The following WWP2 variants were observed in gnomAD, a reference collection of about 807,000 sequenced individuals.
WWP2 encodes NEDD4-like E3 ubiquitin-protein ligase WWP2.
A neutral mutation model predicts 121.0 loss-of-function variants in WWP2; 57 were observed. The ratio of observed to expected loss-of-function variants is 0.47; its 90% CI spans 0.38 to 0.59. WWP2 has a LOEUF of 0.59. WWP2 is among the 20% of genes least tolerant of loss of function. The pLI is 0.00. For missense variants in WWP2, 962 were observed against 1,158.9 expected, an observed-to-expected ratio of 0.83 and a Z score of 2.47; for synonymous variants, 449 against 441.3, an observed-to-expected ratio of 1.02 and a Z score of -0.22.
chr16:69,894,281 C>G (rs2058075886), intron 8 of WWP2, among the ~76,000 whole-genome samples: 1 of 149,546 alleles, frequency 6.7e-6, no homozygotes, highest in South Asian at 2.1e-4. Flanking sequence ...GGGTCTCACT[C>G]TGTTGCCCAT....
intron 2 of WWP2, among the ~76,000 whole-genome samples, chr16:69,787,784 C>G (rs2055824427): frequency 6.6e-6 from 1 of 152,178 alleles, no homozygotes; most frequent in African/African-American, 2.4e-5. Flanking sequence ...GTTACCTTCA[C>G]TTGAATATTT....
At chr16:69,927,578 C>A (rs2058657308) in intron 11 of WWP2, among the ~76,000 whole-genome samples, 1 of 152,248 alleles carries the variant, frequency 6.6e-6, no homozygotes. Context: ...AGCAGCAGTG[C>A]CAGAAATGAC....
At position 69,935,005 on chromosome 16, in the gene WWP2, T is replaced by G. The variant is rs1368650445; in HGVS notation, c.1843-848T>G. 6.6e-6 allele frequency among the ~76,000 whole-genome samples: 1 copy of G among 151,964 alleles called. No individual in the cohort carries two copies. The highest frequency in any genetic ancestry group is 1.5e-5 in the Non-Finnish European group (1 of 67,998). ...CTGGGGAGGGGCGTCCCAGCGTCTGTATTTAACTGGAAAGAGGGACACAAT... is the reference window on the plus strand; with the variant it reads ...CTGGGGAGGGGCGTCCCAGCGTCTGGATTTAACTGGAAAGAGGGACACAAT... On this transcript the variant is annotated intron_variant, in intron 17 of 23. Coordinates refer to ENST00000359154, the MANE Select transcript of WWP2 (RefSeq NM_001270454.2). The surrounding 1 kb of genome is among the most constrained non-coding windows in gnomAD (Gnocchi z 5.2).
At chr16:69,899,188 A>G (rs1266627336) in intron 8 of WWP2, among the ~76,000 whole-genome samples, 1 of 152,162 alleles carries the variant, frequency 6.6e-6, no homozygotes, top group African/African-American at 2.4e-5. Context: ...TGTTTTGTCT[A>G]AAATTCTTCC....
intron 1 of WWP2, among the ~76,000 whole-genome samples, chr16:69,771,521 A>G (rs1403792269): frequency 1.3e-5 from 2 of 152,176 alleles, no homozygotes; most frequent in Non-Finnish European, 2.9e-5. Context: ...TGCTGGGATT[A>G]TAGGCATGAG....
intron 9 of WWP2, among the ~76,000 whole-genome samples, chr16:69,912,382 C>G (rs1416816657): frequency 1.4e-5 from 2 of 144,580 alleles, no homozygotes; most frequent in Non-Finnish European, 3.2e-5. Flanking sequence ...CACACACACA[C>G]ACACACACAC....
At chr16:69,936,185 G>A in intron 18 of WWP2, 127 bp from the exon 19 acceptor site, 1 of 1,480,734 alleles carries the variant, frequency 6.8e-7, no homozygotes, top group Non-Finnish European at 9.2e-7. Flanking sequence ...TCAAGGAGCT[G>A]TCCCCTGTCA....
intron 1 of WWP2, among the ~76,000 whole-genome samples, chr16:69,763,260 A>T (rs1465777492): frequency 1.3e-5 from 2 of 152,130 alleles, no homozygotes; most frequent in Non-Finnish European, 2.9e-5. Flanking sequence ...CCCTTAGCTT[A>T]TCTTGTGACT....
intron 4 of WWP2, among the ~76,000 whole-genome samples, chr16:69,807,619 CAAAAA>C (rs530408058): frequency 4.3e-5 from 2 of 46,900 alleles, no homozygotes; most frequent in African/African-American, 1.5e-4. Flanking sequence ...ACCCTTTCTC[CAAAAA>C]AAAAAAAAAA....
chr16:69,903,790 G>A (rs1204175749), intron 8 of WWP2, among the ~76,000 whole-genome samples: 72 of 148,252 alleles, frequency 4.9e-4, no homozygotes, highest in African/African-American at 1.6e-3. Context: ...AAGAAAGAAA[G>A]AAAAATGTGT....
At chr16:69,938,640 T>C (rs1430721928) in intron 21 of WWP2, among the ~76,000 whole-genome samples, 1 of 152,092 alleles carries the variant, frequency 6.6e-6, no homozygotes, top group Non-Finnish European at 1.5e-5. Context: ...AGCAGTGGCT[T>C]CCAGTACATT....
intron 4 of WWP2, among the ~76,000 whole-genome samples, chr16:69,813,862 A>G (rs1169332732): frequency 2.0e-5 from 3 of 152,156 alleles, no homozygotes; most frequent in Non-Finnish European, 4.4e-5. Context: ...TGTCCCCATC[A>G]TATATTTTTG....
intron 6 of WWP2, among the ~76,000 whole-genome samples, chr16:69,871,310 G>C (rs3790079): frequency 0.078 from 11,875 of 152,232 alleles, 601 homozygotes; most frequent in South Asian, 0.22. Flanking sequence ...ACAACAAAAA[G>C]TGTCAACATA....
At chr16:69,921,370 C>T (rs1231233701) in intron 10 of WWP2, among the ~76,000 whole-genome samples, 2 of 152,148 alleles carry the variant, frequency 1.3e-5, no homozygotes, top group Admixed American at 6.5e-5. Flanking sequence ...AGCGGCCTCC[C>T]CTCCTCCTCT....
At chr16:69,838,670 G>T in intron 4 of WWP2, 1 of 960,308 alleles carries the variant, frequency 1.0e-6, no homozygotes, top group South Asian at 4.8e-5. Flanking sequence ...GGGTTGAAAG[G>T]CCTCAGTTCC....
At chr16:69,892,055 T>A (rs1300253409) in intron 8 of WWP2, among the ~76,000 whole-genome samples, 1 of 152,340 alleles carries the variant, frequency 6.6e-6, no homozygotes, top group East Asian at 1.9e-4. Flanking sequence ...GGGCAGGGAT[T>A]GTGTCTTTCT....
chr16:69,852,489 G>A, intron 6 of WWP2, among the ~76,000 whole-genome samples: 1 of 152,120 alleles, frequency 6.6e-6, no homozygotes, highest in East Asian at 1.9e-4. Flanking sequence ...GGCCAGGTTG[G>A]TCTCGAACTC....
rs368110457 is a variant in WWP2 at position 69,934,974 on chromosome 16, C to G, written c.1842+845C>G. On this transcript the variant is annotated intron_variant, in intron 17 of 23. Transcript: ENST00000359154. Reference sequence around the variant, plus strand: ...GTAGGGACATCTGTCAGAAAGTGAGCCAGTTCTGGGGAGGGGCGTCCCAGC... The same window carrying G: ...GTAGGGACATCTGTCAGAAAGTGAGGCAGTTCTGGGGAGGGGCGTCCCAGC... Among the ~76,000 whole-genome samples, 21 of 152,186 alleles carry G rather than the reference C, an allele frequency of 1.4e-4. 1 individual carries two copies. In the East Asian group the frequency reaches 4.1e-3, roughly 30 times the overall value.
intron 6 of WWP2, among the ~76,000 whole-genome samples, chr16:69,854,925 G>A (rs1475686308): frequency 1.3e-5 from 2 of 152,082 alleles, no homozygotes; most frequent in Non-Finnish European, 2.9e-5. Flanking sequence ...GTGCAATCAA[G>A]GCCCACTGCA....
Sources: allele counts gnomAD v4.1 joint callset (sites outside exome capture counted in the v4.1 genomes callset), GRCh38; gene constraint gnomAD v4.1.1; non-coding constraint Gnocchi (gnomAD v3.1); transcripts MANE v1.5; gene names NCBI Gene and HGNC (gene_info 2026-07-23, HGNC 2026-07-21).